Variants in MARCHF11 observed in about 807,000 individuals in gnomAD.
MARCHF11 encodes the protein E3 ubiquitin-protein ligase MARCHF11.
In MARCHF11, 29 loss-of-function variants were observed where a neutral mutation model predicts 37.3. The ratio of observed to expected loss-of-function variants is 0.78; its 90% confidence interval spans 0.58 to 1.06. The LOEUF is 1.06. Among genes scored for constraint, MARCHF11 ranks in the 50% least tolerant of loss-of-function variants. The pLI is 0.00. For missense variants in MARCHF11, 482 were observed against 533.4 expected, an observed-to-expected ratio of 0.90 and a Z score of 0.95; for synonymous variants, 233 against 228.0, an observed-to-expected ratio of 1.02 and a Z score of -0.20.
At chr5:16,067,918 T>C in intron 3 of MARCHF11, 125 bp from the exon 4 acceptor site, 1 of 829,040 alleles carries the variant, frequency 1.2e-6, no homozygotes, top group Non-Finnish European at 1.8e-6. Flanking sequence ...AAATACAGTA[T>C]TCTGTTTACT....
intron 3 of MARCHF11, among the ~76,000 whole-genome samples, chr5:16,075,703 T>C (rs116742342): frequency 0.012 from 1,828 of 152,278 alleles, 26 homozygotes; most frequent in South Asian, 0.041. Context: ...TGAGTATTGT[T>C]CTTTGAAAGG....
intron 2 of MARCHF11, among the ~76,000 whole-genome samples, chr5:16,117,119 G>C (rs755794040): frequency 6.6e-6 from 1 of 152,202 alleles, no homozygotes; most frequent in Non-Finnish European, 1.5e-5. Context: ...TGATTAGCAA[G>C]AAGAGGAAGA....
chr5:16,132,891 A>G (rs1560984641), intron 2 of MARCHF11, among the ~76,000 whole-genome samples: 1 of 152,210 alleles, frequency 6.6e-6, no homozygotes, highest in Non-Finnish European at 1.5e-5. Flanking sequence ...ATAATAGGCA[A>G]ATCAAAATTC....
In MARCHF11 at chr5:16,177,838, T is replaced by C. The variant is rs749639544; in HGVS notation, c.581A>G (p.Tyr194Cys). The C allele has an allele frequency of 4.2e-5, 67 of 1,613,154 alleles. No individual in the cohort carries two copies. In the Admixed American group the frequency reaches 1.1e-3, roughly 25 times the overall value. Residue 194 changes from tyrosine (Y) to cysteine (C), a missense_variant, in exon 2 of 4, where the codon TAT becomes TGT. Physicochemically the swap from Tyr to Cys is radical, Grantham distance 194. Transcript: ENST00000332432. ...NPCRCDGSVRYTHQLCLLKWI... is the reference protein window; with the variant it reads ...NPCRCDGSVRCTHQLCLLKWI... ...TTTTAGCAGGCACAGCTGATGTGTA[T>C]ACCGAACTGACCCATCACATCGGCA...
At chr5:16,084,677 T>G (rs1291853572) in intron 3 of MARCHF11, among the ~76,000 whole-genome samples, 1 of 151,090 alleles carries the variant, frequency 6.6e-6, no homozygotes, top group Non-Finnish European at 1.5e-5. Flanking sequence ...TTACATGGAT[T>G]TAAAGAAAAA....
chr5:16,078,943 A>C (rs975450437), intron 3 of MARCHF11, among the ~76,000 whole-genome samples: 3 of 152,082 alleles, frequency 2.0e-5, no homozygotes, highest in Non-Finnish European at 4.4e-5. Context: ...TCTTCTGGAA[A>C]GCCATGGAGT....
chr5:16,091,104 T>C, intron 2 of MARCHF11, 23 bp from the exon 3 acceptor site: 1 of 1,523,550 alleles, frequency 6.6e-7, no homozygotes. Flanking sequence ...CAGAGGCATG[T>C]AAGAAAGGAG....
At chr5:16,082,772 A>T (rs141406385) in intron 3 of MARCHF11, among the ~76,000 whole-genome samples, 1 of 152,298 alleles carries the variant, frequency 6.6e-6, no homozygotes, top group East Asian at 1.9e-4. Flanking sequence ...GTTTAAAGTG[A>T]GCTTCATTCT....
chr5:16,178,904 G>A (rs896007916), intron 1 of MARCHF11, 135 bp downstream of exon 1: 29 of 1,095,000 alleles, frequency 2.6e-5, no homozygotes, highest in Non-Finnish European at 3.5e-5. Context: ...TGGAGCCAGC[G>A]CTCACAGGGC....
At chr5:16,178,195 A>G (rs1456989110) in intron 1 of MARCHF11, among the ~76,000 whole-genome samples, 2 of 152,232 alleles carry the variant, frequency 1.3e-5, no homozygotes, top group African/African-American at 4.8e-5. Flanking sequence ...GGATGGTCAG[A>G]TGCATTTCCT....
At chr5:16,079,140 A>G (rs1736566307) in intron 3 of MARCHF11, among the ~76,000 whole-genome samples, 1 of 152,110 alleles carries the variant, frequency 6.6e-6, no homozygotes, top group Admixed American at 6.6e-5. Context: ...GGCTTGGCCT[A>G]ACATACACAA....
intron 2 of MARCHF11, among the ~76,000 whole-genome samples, chr5:16,119,377 A>G (rs1040212744): frequency 2.6e-5 from 4 of 151,778 alleles, no homozygotes; most frequent in Non-Finnish European, 4.4e-5. Flanking sequence ...AAAAAAAAAA[A>G]AGTCAAGAAA....
At chr5:16,113,311 A>G (rs1220842575) in intron 2 of MARCHF11, among the ~76,000 whole-genome samples, 4 of 152,178 alleles carry the variant, frequency 2.6e-5, no homozygotes, top group African/African-American at 9.7e-5. Context: ...GATGCAATCT[A>G]TATCTCAGAT....
chr5:16,125,667 G>C (rs1030805686), intron 2 of MARCHF11, among the ~76,000 whole-genome samples: 1 of 126,962 alleles, frequency 7.9e-6, no homozygotes, highest in Non-Finnish European at 1.6e-5. Flanking sequence ...GTGTGTGTGT[G>C]TGTTCATATT....
chr5:16,112,260 G>A (rs771817376), intron 2 of MARCHF11, among the ~76,000 whole-genome samples: 50 of 152,238 alleles, frequency 3.3e-4, no homozygotes, highest in Non-Finnish European at 5.7e-4. Context: ...TGAAAAAGCC[G>A]CAAACACTCA....
rs570916315 is a variant in MARCHF11 at position 16,086,618 on chromosome 5, G to A, written c.886+4271C>T. 8.5e-5 allele frequency among the ~76,000 whole-genome samples: 13 copies of A among 152,252 alleles called. No individual in the cohort carries two copies. In the South Asian group the frequency reaches 2.5e-3, roughly 29 times the overall value. ...TCTCTATTTTGCAAATACCACTGAC[G>A]ATAACAGAGTTTTGGTTTGCTGCTT... On this transcript the variant is annotated intron_variant, in intron 3 of 3. Transcript: ENST00000332432.
At chr5:16,156,096 AATATCT>A (rs1560991032) in intron 2 of MARCHF11, among the ~76,000 whole-genome samples, 1 of 151,968 alleles carries the variant, frequency 6.6e-6, no homozygotes, top group Non-Finnish European at 1.5e-5. Flanking sequence ...TTAATCCATG[AATATCT>A]ATAAGTCTGT....
At chr5:16,150,489 T>G (rs1218504234) in intron 2 of MARCHF11, among the ~76,000 whole-genome samples, 1 of 149,524 alleles carries the variant, frequency 6.7e-6, no homozygotes, top group East Asian at 1.9e-4. Flanking sequence ...TCTCTGTGAG[T>G]GGGAAAAGTA....
At chr5:16,100,687 G>T (rs979059255) in intron 2 of MARCHF11, among the ~76,000 whole-genome samples, 1 of 152,152 alleles carries the variant, frequency 6.6e-6, no homozygotes, top group Admixed American at 6.5e-5. Flanking sequence ...GGAAACAGGA[G>T]TTGAATCCTG....
Sources: gnomAD v4.1 joint callset for allele counts (sites outside exome capture counted in the v4.1 genomes callset) on GRCh38, gnomAD v4.1.1 for gene constraint, MANE v1.5 for transcripts, NCBI Gene and HGNC (gene_info 2026-07-23, HGNC 2026-07-21) for gene names.